The following HSP90B1 variants were observed in gnomAD, a reference collection of about 807,000 sequenced individuals.
HSP90B1 encodes the protein endoplasmin.
A neutral mutation model predicts 100.4 loss-of-function variants in HSP90B1; 27 were observed. The observed-to-expected ratio is 0.27, with a 90% CI of 0.20 to 0.37. The LOEUF (loss-of-function observed/expected upper bound fraction) is 0.37. Ranked by LOEUF, HSP90B1 falls within the 10% of genes least tolerant of loss-of-function variation. The pLI is 1.00. For synonymous variants in HSP90B1, 304 were observed against 330.8 expected, an observed-to-expected ratio of 0.92 and a Z score of 0.88; for missense variants, 678 against 960.5, an observed-to-expected ratio of 0.71 and a Z score of 3.89.
chr12:103,932,093 T>C (rs1183212), intron 2 of HSP90B1, 184 bp from the exon 3 acceptor site: 347,555 of 530,768 alleles, frequency 0.65, 116,446 homozygotes, highest in South Asian at 0.83. Flanking sequence ...ATTTCCAGTG[T>C]AATGTTAAAG....
In HSP90B1 at chr12:103,943,030, C is replaced by T; in HGVS notation, c.1645-44C>T. Reference sequence around the variant, plus strand: ...GCAGCTGCTAGGATAAACAAATACACCAGGGCCAGACTTGGAAAACTTTGT... The same window carrying T: ...GCAGCTGCTAGGATAAACAAATACATCAGGGCCAGACTTGGAAAACTTTGT... On this transcript the variant is annotated intron_variant, in intron 12 of 17. Transcript: ENST00000299767. The surrounding 1 kb of genome is among the most constrained non-coding windows in gnomAD (Gnocchi z 5.3). 2 of 1,605,494 alleles carry T rather than the reference C, an allele frequency of 1.2e-6. No homozygotes were observed. Among genetic ancestry groups the T allele is most frequent in the Non-Finnish European group, 1.7e-6 (2 of 1,176,076 alleles).
rs747605736 is a variant in HSP90B1 at position 103,937,771 on chromosome 12, T to C, written c.820T>C (p.Phe274Leu). Residue 274 changes from phenylalanine (F) to leucine (L), a missense_variant, in exon 6 of 18, where the codon TTC (phenylalanine) becomes CTC (leucine). By Grantham distance (22) the Phe-to-Leu change is conservative. Transcript: ENST00000299767. ...AAATCTCGTCAAAAAATATTCACAG[T>C]TCATAAACTTTCCTATTTATGTATG... Reference protein sequence around the residue: ...IKNLVKKYSQFINFPIYVWSS... With the variant: ...IKNLVKKYSQLINFPIYVWSS... 1.3e-6 allele frequency: 2 copies of C among 1,569,240 alleles called. No homozygotes were observed. Among genetic ancestry groups the C allele is most frequent in the Non-Finnish European group, 1.8e-6 (2 of 1,140,584 alleles).
Position 103,941,610 on chromosome 12 carries a change from T to C in HSP90B1, c.1231-19T>C, listed in dbSNP as rs772675674. 7 of 1,606,860 alleles carry C rather than the reference T, an allele frequency of 4.4e-6. No homozygotes were observed. Among genetic ancestry groups the C allele is most frequent in the Non-Finnish European group, 6.0e-6 (7 of 1,174,538 alleles). ...GAAAGTTTAATTTCCAGAAAGTGAC[T>C]TTTTTTTGGTCTCTTTAGCTCTATG... On this transcript the variant is annotated intron_variant, in intron 9 of 17. Transcript: ENST00000299767.
chr12:103,936,496 A>G (rs1295003248), intron 5 of HSP90B1, among the ~76,000 whole-genome samples: 1 of 151,956 alleles, frequency 6.6e-6, no homozygotes, highest in Admixed American at 6.6e-5. Context: ...AAAAATAAAA[A>G]ATTAGCTTGG....
chr12:103,946,113 A>G (rs1870219233), intron 14 of HSP90B1, among the ~76,000 whole-genome samples: 1 of 152,174 alleles, frequency 6.6e-6, no homozygotes, highest in South Asian at 2.1e-4. Context: ...TACCTAATGC[A>G]ATTTAAGTGC....
intron 7 of HSP90B1, chr12:103,938,695 C>A: frequency 7.6e-6 from 2 of 261,618 alleles, no homozygotes; most frequent in Non-Finnish European, 1.5e-5. Flanking sequence ...TTATATATTG[C>A]CTAGGACTGG....
rs1413037775 is a variant in HSP90B1 at position 103,932,138 on chromosome 12, A to G, written c.153-139A>G. On this transcript the variant is annotated intron_variant, in intron 2 of 17. Transcript: ENST00000299767. The stretch of plus-strand genomic sequence containing the variant: ...TGCTGTGCTAACATAATGAGACGGT[A>G]TATCAGTTATATTTTATAAAGGTTT... 2.7e-5 allele frequency: 16 copies of G among 599,330 alleles called. No individual in the cohort carries two copies. The East Asian group carries it at 3.8e-4, about 14-fold the overall frequency. 37.1% of individuals were successfully genotyped at this position (599,330 alleles called of 1,614,324 possible).
Position 103,946,702 on chromosome 12 carries a change from A to T in HSP90B1, c.2106+6A>T. The T allele has an allele frequency of 6.2e-7, 1 of 1,613,724 alleles. No homozygotes were observed. On this transcript the variant is annotated splice_donor_region_variant and intron_variant, in intron 15 of 17. Transcript: ENST00000299767. ...ACATGCTTCGACGAATTAAGGTAGT[A>T]TTAAAGCAGTCCTCTTGCTTGTCTT... is the stretch of plus-strand genomic sequence containing the variant.
In HSP90B1 at chr12:103,934,039, C is replaced by G. The variant is rs144387251; in HGVS notation, c.495C>G (p.Thr165=). ...TREELVKNLG[T]IAKSGTSEFL... ...AAGAGTTGGTTAAAAACCTTGGTAC[C>G]ATAGCCAAATCTGGGACAAGCGAGT... Residue 165 remains threonine (T), a synonymous_variant, in exon 5 of 18, where the codon ACC becomes ACG. Coordinates refer to ENST00000299767, the MANE Select transcript of HSP90B1 (RefSeq NM_003299.3). 8.4e-4 allele frequency: 1,358 copies of G among 1,614,068 alleles called. No individual in the cohort carries two copies. The highest frequency in any genetic ancestry group is 1.1e-3 in the Non-Finnish European group (1,304 of 1,180,032).
At chr12:103,938,682 C>G (rs1217459961) in intron 7 of HSP90B1, 5 of 325,006 alleles carry the variant, frequency 1.5e-5, no homozygotes, top group African/African-American at 8.5e-5. Flanking sequence ...AGTTTTCTAA[C>G]TTTTATATAT....
Position 103,943,088 on chromosome 12 carries a change from A to G in HSP90B1, c.1659A>G (p.Pro553=). The G allele has an allele frequency of 6.2e-7, 1 of 1,614,052 alleles. No individual in the cohort carries two copies. Among genetic ancestry groups the G allele is most frequent in the Non-Finnish European group, 8.5e-7 (1 of 1,179,976 alleles). Reference sequence around the variant, plus strand: ...TAATTTTGTAGGCTGAATCTTCTCCATTTGTTGAGCGACTTCTGAAAAAGG... The same window carrying G: ...TAATTTTGTAGGCTGAATCTTCTCCGTTTGTTGAGCGACTTCTGAAAAAGG... ...GSSRKEAESS[P]FVERLLKKGY... is the part of the protein sequence containing the mutation. Residue 553 remains proline (P), a synonymous_variant, in exon 13 of 18, where the codon CCA becomes CCG. Transcript: ENST00000299767. The surrounding 1 kb of genome is among the most constrained non-coding windows in gnomAD (Gnocchi z 5.3).
Position 103,943,326 on chromosome 12 carries a change from T to A in HSP90B1, c.1890+7T>A, listed in dbSNP as rs1870131297. On this transcript the variant is annotated splice_region_variant and intron_variant, in intron 13 of 17. Transcript: ENST00000299767. The surrounding 1 kb of genome is among the most constrained non-coding windows in gnomAD (Gnocchi z 5.3). ...TAAAGCCCTTAAGGACAAGGTACTG[T>A]GGAAATTACAAATTGTGGAAATATT... The A allele has an allele frequency of 6.2e-7, 1 of 1,611,886 alleles. No individual in the cohort carries two copies. Among genetic ancestry groups the A allele is most frequent in the Admixed American group, 1.7e-5 (1 of 59,666 alleles).
intron 1 of HSP90B1, among the ~76,000 whole-genome samples, chr12:103,931,217 C>T: frequency 6.6e-6 from 1 of 152,286 alleles, no homozygotes; most frequent in East Asian, 1.9e-4. Context: ...CTGCGCGCAA[C>T]ACGTGTGGGT....
chr12:103,944,745 G>C (rs534166866), intron 14 of HSP90B1, among the ~76,000 whole-genome samples: 2 of 152,030 alleles, frequency 1.3e-5, no homozygotes, highest in African/African-American at 2.4e-5. Context: ...TAGTAGAGAC[G>C]GTGTTTCACC....
intron 2 of HSP90B1, 44 bp from the exon 3 acceptor site, chr12:103,932,233 G>T: frequency 6.4e-7 from 1 of 1,552,848 alleles, no homozygotes; most frequent in South Asian, 1.2e-5. Flanking sequence ...GTTTTGAAGG[G>T]AACTATGCCA....
At chr12:103,941,186 C>A (rs2136215978) in intron 8 of HSP90B1, among the ~76,000 whole-genome samples, 1 of 152,270 alleles carries the variant, frequency 6.6e-6, no homozygotes, top group African/African-American at 2.4e-5. Flanking sequence ...TCAAAACAAC[C>A]ATGTCTAGTG....
At chr12:103,935,230 T>G (rs1869878219) in intron 5 of HSP90B1, among the ~76,000 whole-genome samples, 1 of 152,230 alleles carries the variant, frequency 6.6e-6, no homozygotes, top group Non-Finnish European at 1.5e-5. Flanking sequence ...TTTTTAAATT[T>G]GAATTAAGAT....
chr12:103,939,890 C>T (rs2136215508), intron 8 of HSP90B1, among the ~76,000 whole-genome samples: 1 of 152,264 alleles, frequency 6.6e-6, no homozygotes, highest in Middle Eastern at 3.4e-3. Context: ...TAATTGGTTT[C>T]CAGAACACAC....
rs1358232704 is a variant in HSP90B1 at position 103,934,257 on chromosome 12, G to A, written c.713G>A (p.Gly238Glu). Reference sequence around the variant, plus strand: ...TTTTCTGTAATTGCTGACCCAAGAGGAAACACTCTAGGACGGGGAACGACA... The same window carrying A: ...TTTTCTGTAATTGCTGACCCAAGAGAAAACACTCTAGGACGGGGAACGACA... The part of the protein sequence containing the change: ...NEFSVIADPR[G>E]NTLGRGTTIT... Residue 238 changes from glycine (G) to glutamate (E), a missense_variant, in exon 5 of 18, where the codon GGA (glycine) becomes GAA (glutamate). Around this residue, in one of 8 missense-constraint regions of HSP90B1, gnomAD observed 238 missense variants for 346.7 expected, o/e 0.69. Coordinates refer to ENST00000299767, the MANE Select transcript of HSP90B1 (RefSeq NM_003299.3). The A allele has an allele frequency of 1.9e-6, 3 of 1,614,030 alleles. No individual in the cohort carries two copies. The highest frequency in any genetic ancestry group is 2.5e-6 in the Non-Finnish European group (3 of 1,179,886).
Sources: allele counts gnomAD v4.1 joint callset (sites outside exome capture counted in the v4.1 genomes callset), GRCh38; gene constraint gnomAD v4.1.1; regional missense constraint gnomAD v4.1.1; non-coding constraint Gnocchi (gnomAD v3.1); transcripts MANE v1.5; gene names NCBI Gene and HGNC (gene_info 2026-07-23, HGNC 2026-07-21).